The following RNF141 variants were observed in gnomAD, a reference collection of about 807,000 sequenced individuals.
RNF141 encodes the protein C3HC4-like zinc finger protein.
In RNF141, 18 loss-of-function variants were observed where a neutral mutation model predicts 27.4. The observed-to-expected ratio is 0.66, with a 90% confidence interval of 0.45 to 0.97. The LOEUF is 0.97. Among genes scored for constraint, RNF141 ranks in the 50% least tolerant of loss-of-function variants. The pLI is 0.00. For missense variants in RNF141, 230 were observed against 279.4 expected, an observed-to-expected ratio of 0.82 and a Z score of 1.26; for synonymous variants, 97 against 96.6, an observed-to-expected ratio of 1.00 and a Z score of -0.02.
intron 4 of RNF141, among the ~76,000 whole-genome samples, chr11:10,524,295 G>A (rs918346927): frequency 6.6e-6 from 1 of 152,056 alleles, no homozygotes; most frequent in Non-Finnish European, 1.5e-5. Context: ...GGCGCCTGTA[G>A]TCCCAGCTAC....
Position 10,525,130 on chromosome 11 carries a change from A to G in RNF141, c.434+62T>C, listed in dbSNP as rs551005275. 470 of 1,285,818 alleles carry G rather than the reference A, an allele frequency of 3.7e-4. 1 individual carries two copies. The African/African-American group carries it at 4.6e-3, about 13-fold the overall frequency. 79.7% of individuals were successfully genotyped at this position (1,285,818 alleles called of 1,614,324 possible). A position where few individuals can be genotyped will look rare whatever the true frequency, so the allele number is the denominator to read the frequency against. ...ACAATGAGCAACAGCAAAAATATTA[A>G]TAGATTTCAGTTGTTTTCATATTAG... On this transcript the variant is annotated intron_variant, in intron 4 of 5. Transcript: ENST00000265981.
intron 2 of RNF141, among the ~76,000 whole-genome samples, chr11:10,531,005 T>C (rs1849980687): frequency 6.6e-6 from 1 of 152,188 alleles, no homozygotes; most frequent in African/African-American, 2.4e-5. Flanking sequence ...AATCTCTCTT[T>C]GTCACACCTA....
At chr11:10,526,627 CA>C (rs1381078553) in intron 3 of RNF141, among the ~76,000 whole-genome samples, 1 of 151,808 alleles carries the variant, frequency 6.6e-6, no homozygotes, top group African/African-American at 2.4e-5. Context: ...ACTAAAAGTA[CA>C]AAAAATTAGC....
chr11:10,528,242 C>G (rs1292514131), intron 3 of RNF141, among the ~76,000 whole-genome samples: 1 of 152,090 alleles, frequency 6.6e-6, no homozygotes, highest in Non-Finnish European at 1.5e-5. Flanking sequence ...GTGAAACTCT[C>G]AATCTCCTAT....
At chr11:10,527,363 A>G (rs1380907387) in intron 3 of RNF141, among the ~76,000 whole-genome samples, 2 of 151,602 alleles carry the variant, frequency 1.3e-5, no homozygotes, top group Admixed American at 6.6e-5. Context: ...CTTACAGAGA[A>G]GTTGACATTT....
chr11:10,532,986 C>T (rs1377665863), intron 2 of RNF141, among the ~76,000 whole-genome samples: 1 of 152,190 alleles, frequency 6.6e-6, no homozygotes, highest in Non-Finnish European at 1.5e-5. Context: ...CAATCCTTAG[C>T]AGAGGGCCTT....
chr11:10,538,873 A>T (rs1850060165), intron 1 of RNF141, among the ~76,000 whole-genome samples: 1 of 152,214 alleles, frequency 6.6e-6, no homozygotes, highest in African/African-American at 2.4e-5. Context: ...ACTCCCCCCT[A>T]GGCCATGCAA....
At chr11:10,520,064 C>G (rs1426705360) in intron 4 of RNF141, among the ~76,000 whole-genome samples, 1 of 152,194 alleles carries the variant, frequency 6.6e-6, no homozygotes, top group Non-Finnish European at 1.5e-5. Flanking sequence ...CTGCATGCAG[C>G]CCGTGGGCCG....
intron 2 of RNF141, chr11:10,531,797 A>G: frequency 4.0e-6 from 1 of 247,418 alleles, no homozygotes; most frequent in Non-Finnish European, 8.2e-6. Flanking sequence ...AGCTAAATAA[A>G]ATGAGGCCAT....
intron 4 of RNF141, among the ~76,000 whole-genome samples, chr11:10,523,283 A>C (rs183174893): frequency 6.6e-6 from 1 of 152,340 alleles, no homozygotes; most frequent in East Asian, 1.9e-4. Flanking sequence ...TATGCACCAT[A>C]AAGTAATAGG....
chr11:10,524,124 G>C (rs1283005883), intron 4 of RNF141, among the ~76,000 whole-genome samples: 4 of 152,024 alleles, frequency 2.6e-5, no homozygotes, highest in African/African-American at 9.7e-5. Flanking sequence ...TAAAAAAAAA[G>C]AAACCACTGG....
Position 10,512,394 on chromosome 11 carries a change from C to T in RNF141, c.*2522G>A, listed in dbSNP as rs1365337364. On this transcript the variant is annotated 3_prime_UTR_variant, in exon 6 of 6. Transcript: ENST00000265981. Reference sequence around the variant, plus strand: ...TAAGGCTAATAACATTTTATATTCACAGTAGATCAGTAAGTGTCTTGGAGC... The same window carrying T: ...TAAGGCTAATAACATTTTATATTCATAGTAGATCAGTAAGTGTCTTGGAGC... 1 of 152,570 alleles carries T rather than the reference C, an allele frequency of 6.6e-6. No individual in the cohort carries two copies. The highest frequency in any genetic ancestry group is 6.5e-5 in the Admixed American group (1 of 15,274). The allele number at this position is 152,570 out of a possible 1,614,324, so 9.5% of individuals were successfully genotyped here. A position where few individuals can be genotyped will look rare whatever the true frequency, so the allele number is the denominator to read the frequency against.
At position 10,527,156 on chromosome 11, in the gene RNF141, G is replaced by GTTAT. The variant is rs1224189330; in HGVS notation, c.253-1787_253-1784dup. Among the ~76,000 whole-genome samples, 6 of 152,332 alleles carry GTTAT rather than the reference G, an allele frequency of 3.9e-5. No individual in the cohort carries two copies. The East Asian group carries it at 1.2e-3, about 29-fold the overall frequency. ...ATTTATTGAGTACCATTATGTGGAT[G>GTTAT]TTATTGGTACTATGTGCACTGCTCT... On this transcript the variant is annotated intron_variant, in intron 3 of 5. Coordinates refer to ENST00000265981, the MANE Select transcript of RNF141 (RefSeq NM_016422.4).
At chr11:10,540,468 C>T (rs1046537725) in intron 1 of RNF141, among the ~76,000 whole-genome samples, 8 of 152,182 alleles carry the variant, frequency 5.3e-5, no homozygotes, top group Non-Finnish European at 1.2e-4. Context: ...CCTTCTGCTC[C>T]TGCTGTGTAA....
intron 4 of RNF141, among the ~76,000 whole-genome samples, chr11:10,522,714 A>G (rs1277890093): frequency 6.6e-6 from 1 of 152,238 alleles, no homozygotes; most frequent in African/African-American, 2.4e-5. Flanking sequence ...ACAGCCATTG[A>G]AAACAATAAA....
chr11:10,538,778 AAG>A lies in RNF141; in HGVS notation c.-48+2342_-48+2343del, dbSNP rs1850059311. ...AAGCAGAAGTTAAAAATATGTATGA[AAG>A]AAAATGTAAAACTGTGAAAATCTGT... On this transcript the variant is annotated intron_variant, in intron 1 of 5. Coordinates refer to ENST00000265981, the MANE Select transcript of RNF141 (RefSeq NM_016422.4). 3.3e-5 allele frequency among the ~76,000 whole-genome samples: 5 copies of A among 152,362 alleles called. No homozygotes were observed. The South Asian group carries it at 1.0e-3, about 32-fold the overall frequency.
intron 2 of RNF141, chr11:10,531,946 C>T (rs1047223216): frequency 1.4e-5 from 6 of 441,158 alleles, no homozygotes; most frequent in Middle Eastern, 3.3e-4. Context: ...GATCACTGCA[C>T]GTCTGAAATG....
At chr11:10,521,025 G>C (rs1260787827) in intron 4 of RNF141, among the ~76,000 whole-genome samples, 2 of 152,332 alleles carry the variant, frequency 1.3e-5, no homozygotes, top group Non-Finnish European at 2.9e-5. Flanking sequence ...ATCAGGTGCT[G>C]TGAGAGATAC....
At chr11:10,534,400 T>A (rs1241947414) in intron 1 of RNF141, among the ~76,000 whole-genome samples, 195 bp from the exon 2 acceptor site, 1 of 152,104 alleles carries the variant, frequency 6.6e-6, no homozygotes, top group Non-Finnish European at 1.5e-5. Context: ...TTCACTTATA[T>A]ATTATTGGGA....
Sources: gnomAD v4.1 joint callset for allele counts (sites outside exome capture counted in the v4.1 genomes callset) on GRCh38, gnomAD v4.1.1 for gene constraint, MANE v1.5 for transcripts, NCBI Gene and HGNC (gene_info 2026-07-23, HGNC 2026-07-21) for gene names.